Variants in PRTFDC1 observed in about 807,000 individuals in gnomAD.
PRTFDC1 encodes phosphoribosyltransferase domain-containing protein 1.
In PRTFDC1, 38 loss-of-function variants were observed where a neutral mutation model predicts 34.6. The observed-to-expected ratio is 1.10, with a 90% CI of 0.85 to 1.44. PRTFDC1 has a LOEUF of 1.44. Among genes scored for constraint, PRTFDC1 ranks in the 40% most tolerant of loss-of-function variants. The pLI is 0.00. For missense variants in PRTFDC1, 270 were observed against 283.0 expected, an observed-to-expected ratio of 0.95 and a Z score of 0.33; for synonymous variants, 93 against 98.1, an observed-to-expected ratio of 0.95 and a Z score of 0.31.
At chr10:24,919,972 G>A (rs1347718189) in intron 3 of PRTFDC1, among the ~76,000 whole-genome samples, 7 of 151,968 alleles carry the variant, frequency 4.6e-5, no homozygotes, top group Admixed American at 6.6e-5. Flanking sequence ...GTCAAGAAAC[G>A]ATAGATGCTG....
At chr10:24,913,740 C>T (rs112154350) in intron 3 of PRTFDC1, among the ~76,000 whole-genome samples, 2,908 of 152,210 alleles carry the variant, frequency 0.019, 107 homozygotes, top group African/African-American at 0.067. Context: ...TTAAAGCAAA[C>T]TTTAGAATCC....
At chr10:24,932,292 G>C (rs897380720) in intron 3 of PRTFDC1, among the ~76,000 whole-genome samples, 1 of 151,846 alleles carries the variant, frequency 6.6e-6, no homozygotes, top group Non-Finnish European at 1.5e-5. Flanking sequence ...GTGTATAGGA[G>C]GTCCTAACTG....
chr10:24,946,048 C>G (rs1340317111), intron 1 of PRTFDC1, among the ~76,000 whole-genome samples: 3 of 152,174 alleles, frequency 2.0e-5, no homozygotes, highest in Non-Finnish European at 2.9e-5. Context: ...TTCTGGATCA[C>G]CTTCCAGACC....
chr10:24,899,329 T>G (rs1848415940), intron 3 of PRTFDC1, among the ~76,000 whole-genome samples: 1 of 152,114 alleles, frequency 6.6e-6, no homozygotes, highest in African/African-American at 2.4e-5. Context: ...TCTTGTGAGG[T>G]TAAAGCACAA....
intron 1 of PRTFDC1, chr10:24,951,671 C>A (rs1296086264): frequency 2.1e-6 from 2 of 936,722 alleles, no homozygotes; most frequent in Non-Finnish European, 2.5e-6. Flanking sequence ...TCACACTGAA[C>A]CTGACACAAG....
chr10:24,874,715 AGTGTACAAAC>A (rs1847932379), intron 3 of PRTFDC1, among the ~76,000 whole-genome samples: 1 of 152,248 alleles, frequency 6.6e-6, no homozygotes, highest in African/African-American at 2.4e-5. Context: ...ACTTCTTCCA[AGTGTACAAAC>A]GTGTTTTTTT....
At chr10:24,909,423 GCAAGT>G (rs1365211348) in intron 3 of PRTFDC1, among the ~76,000 whole-genome samples, 1 of 152,174 alleles carries the variant, frequency 6.6e-6, no homozygotes, top group East Asian at 1.9e-4. Context: ...TTAGTTGTTT[GCAAGT>G]CAGCTTCCTT....
At chr10:24,874,752 C>A (rs1415972405) in intron 3 of PRTFDC1, among the ~76,000 whole-genome samples, 2 of 151,956 alleles carry the variant, frequency 1.3e-5, no homozygotes, top group Non-Finnish European at 2.9e-5. Context: ...TTTAATTGAC[C>A]AACAATTACT....
At chr10:24,869,051 C>T (rs1847833942) in intron 4 of PRTFDC1, among the ~76,000 whole-genome samples, 1 of 152,108 alleles carries the variant, frequency 6.6e-6, no homozygotes, top group South Asian at 2.1e-4. Flanking sequence ...CATTTCAAGT[C>T]TTCTAGCTAC....
intron 3 of PRTFDC1, among the ~76,000 whole-genome samples, chr10:24,932,025 A>G (rs1848980936): frequency 6.6e-6 from 1 of 151,964 alleles, no homozygotes; most frequent in South Asian, 2.1e-4. Context: ...ATAATATGTC[A>G]TTATATTACA....
chr10:24,942,705 T>C (rs925261454), intron 1 of PRTFDC1, among the ~76,000 whole-genome samples: 5 of 152,174 alleles, frequency 3.3e-5, no homozygotes, highest in Non-Finnish European at 2.9e-5. Flanking sequence ...TGGAGTGCAG[T>C]GGGGTGATCT....
At chr10:24,901,876 T>G (rs1848455474) in intron 3 of PRTFDC1, among the ~76,000 whole-genome samples, 1 of 152,200 alleles carries the variant, frequency 6.6e-6, no homozygotes, top group Non-Finnish European at 1.5e-5. Flanking sequence ...TTCCAGAACA[T>G]GCATGAACAG....
intron 4 of PRTFDC1, among the ~76,000 whole-genome samples, chr10:24,868,516 G>A (rs1847823960): frequency 6.6e-6 from 1 of 152,146 alleles, no homozygotes; most frequent in Non-Finnish European, 1.5e-5. Context: ...GAAAGGAGAA[G>A]TCACTGCAGT....
At chr10:24,920,198 T>C (rs954552911) in intron 3 of PRTFDC1, among the ~76,000 whole-genome samples, 1 of 151,982 alleles carries the variant, frequency 6.6e-6, no homozygotes, top group Non-Finnish European at 1.5e-5. Context: ...GAAGCACTAT[T>C]CACAATAGCA....
Position 24,849,907 on chromosome 10 carries a change from A to T in PRTFDC1, c.631-16T>A. The T allele has an allele frequency of 6.2e-7, 1 of 1,613,328 alleles. No individual in the cohort carries two copies. Among genetic ancestry groups the T allele is most frequent in the Non-Finnish European group, 8.5e-7 (1 of 1,179,498 alleles). Reference sequence around the variant, plus strand: ...CGCATATGTGCTGAAACAATAAAGGATTTAAACGCATCAGTTTCTTAACAA... The same window carrying T: ...CGCATATGTGCTGAAACAATAAAGGTTTTAAACGCATCAGTTTCTTAACAA... On this transcript the variant is annotated splice_polypyrimidine_tract_variant and intron_variant, in intron 8 of 8. Coordinates refer to ENST00000320152, the MANE Select transcript of PRTFDC1 (RefSeq NM_020200.7).
At chr10:24,856,480 C>T (rs1412377059) in intron 6 of PRTFDC1, among the ~76,000 whole-genome samples, 2 of 151,890 alleles carry the variant, frequency 1.3e-5, no homozygotes, top group African/African-American at 2.4e-5. Context: ...CCCAGCTACT[C>T]GGGAAGCTGA....
At chr10:24,892,995 C>G (rs1188452378) in intron 3 of PRTFDC1, among the ~76,000 whole-genome samples, 1 of 152,146 alleles carries the variant, frequency 6.6e-6, no homozygotes, top group African/African-American at 2.4e-5. Context: ...TGGGATCTAG[C>G]TATCCGTAGA....
At chr10:24,886,405 C>CT (rs1467535452) in intron 3 of PRTFDC1, among the ~76,000 whole-genome samples, 2 of 152,178 alleles carry the variant, frequency 1.3e-5, no homozygotes, top group Non-Finnish European at 2.9e-5. Context: ...AGTGATGTTG[C>CT]TGGAGCCAGG....
In PRTFDC1 at chr10:24,952,590, A is replaced by ACGCGGGAAGGGAAGACGG. The variant is rs540514910; in HGVS notation, c.-16_-15insCCGTCTTCCCTTCCCGCG. On this transcript the variant is annotated 5_prime_UTR_variant, in exon 1 of 9. Transcript: ENST00000320152. This position sits in a 1 kb window ranked among gnomAD's most constrained non-coding sequence, Gnocchi z 5.1. Reference sequence around the variant, plus strand: ...CTCCCGGCCATGTTTCTCCCGGGGAACGCGGGAAGGGAAGACGGCGCGGGA... The same window carrying ACGCGGGAAGGGAAGACGG: ...CTCCCGGCCATGTTTCTCCCGGGGAACGCGGGAAGGGAAGACGGCGCGGGAAGGGAAGACGGCGCGGGA... The ACGCGGGAAGGGAAGACGG allele has an allele frequency of 3.6e-4, 534 of 1,491,632 alleles. 1 individual carries two copies. In the African/African-American group the frequency reaches 7.2e-3, roughly 20 times the overall value. 92.4% of individuals were successfully genotyped at this position (1,491,632 alleles called of 1,614,324 possible).
Sources: gnomAD v4.1 joint callset for allele counts (sites outside exome capture counted in the v4.1 genomes callset) on GRCh38, gnomAD v4.1.1 for gene constraint, Gnocchi (gnomAD v3.1) non-coding constraint, MANE v1.5 for transcripts, NCBI Gene and HGNC (gene_info 2026-07-23, HGNC 2026-07-21) for gene names.